The following CCDC180 variants were observed in gnomAD, a reference collection of about 807,000 sequenced individuals.
CCDC180 encodes the protein coiled-coil domain-containing protein 180.
A neutral mutation model predicts 209.2 loss-of-function variants in CCDC180; 154 were observed. The ratio of observed to expected loss-of-function variants is 0.74; its 90% confidence interval spans 0.65 to 0.84. CCDC180 has a LOEUF of 0.84. Among genes scored for constraint, CCDC180 ranks in the 40% least tolerant of loss-of-function variants. The probability of loss-of-function intolerance (pLI) is 0.00; values close to 1 mark genes in which losing one functional copy is unlikely to be tolerated. For synonymous variants in CCDC180, 778 were observed against 749.1 expected, an observed-to-expected ratio of 1.04 and a Z score of -0.63; for missense variants, 1,874 against 1,997.3, an observed-to-expected ratio of 0.94 and a Z score of 1.18.
At chr9:97,346,405 A>T (rs1425629891) in intron 19 of CCDC180, among the ~76,000 whole-genome samples, 1 of 152,232 alleles carries the variant, frequency 6.6e-6, no homozygotes, top group Non-Finnish European at 1.5e-5. Flanking sequence ...ACATCTTAAC[A>T]GTACATGGCC....
chr9:97,317,108 A>G lies in CCDC180; in HGVS notation c.839A>G (p.Gln280Arg). The G allele has an allele frequency of 1.2e-6, 2 of 1,613,506 alleles. No individual in the cohort carries two copies. The highest frequency in any genetic ancestry group is 1.7e-6 in the Non-Finnish European group (2 of 1,179,876). The change falls in exon 9 of 37, where the codon CAG (glutamine) becomes CGG (arginine). Residue 280 changes from glutamine to arginine, a missense_variant. Transcript: ENST00000529487. ...ALLGNRKALA[Q>R]LFVNLMESTL... Reference sequence around the variant, plus strand: ...CTGGGCAACCGGAAGGCTCTCGCCCAGCTGTTTGTCAACCTGATGGAGTCC... The same window carrying G: ...CTGGGCAACCGGAAGGCTCTCGCCCGGCTGTTTGTCAACCTGATGGAGTCC...
rs753839607 is a variant in CCDC180, at chr9:97,325,181, C to G, written c.1534C>G (p.Leu512Val). Residue 512 changes from leucine (L) to valine (V), a missense_variant, in exon 14 of 37, where the codon CTG becomes GTG. Transcript: ENST00000529487. ...GGAGCAGCACCGGCAGAAGCACAGC[C>G]TGGAGAGCCAGGTGAGACCCACACC... is the stretch of plus-strand genomic sequence containing the variant. Reference protein sequence around the residue: ...RMEQHRQKHSLESQVQEAHLD... With the variant: ...RMEQHRQKHSVESQVQEAHLD... The G allele has an allele frequency of 2.5e-6, 4 of 1,597,270 alleles. No homozygotes were observed. In the African/African-American group the frequency reaches 4.0e-5, roughly 16 times the overall value.
intron 22 of CCDC180, among the ~76,000 whole-genome samples, chr9:97,352,098 G>A (rs1350260373): frequency 1.3e-5 from 2 of 150,828 alleles, no homozygotes; most frequent in Non-Finnish European, 2.9e-5. Context: ...GGGAGACAGA[G>A]TGAGATTCCA....
intron 20 of CCDC180, among the ~76,000 whole-genome samples, chr9:97,348,591 G>A (rs367710068): frequency 3.3e-5 from 5 of 152,062 alleles, no homozygotes; most frequent in Admixed American, 3.3e-4. Context: ...GGAGGTGGTC[G>A]GGGTCGGGGG....
In CCDC180 at chr9:97,343,509, A is replaced by G; in HGVS notation, c.2444A>G (p.Lys815Arg). The change falls in exon 19 of 37, where the codon AAG (lysine) becomes AGG (arginine). Residue 815 changes from lysine (K) to arginine (R), a missense_variant. Physicochemically the swap from Lys to Arg is conservative, Grantham distance 26. Transcript: ENST00000529487. ...TTCATCAACGACACTTCCAGTGCCA[A>G]GTTCATAGAACAAGTGACAATTCCA... ...AMFINDTSSA[K>R]FIEQVTIPSR... 6.2e-7 allele frequency: 1 copy of G among 1,614,176 alleles called. No homozygotes were observed. Among genetic ancestry groups the G allele is most frequent in the Non-Finnish European group, 8.5e-7 (1 of 1,179,996 alleles).
intron 21 of CCDC180, among the ~76,000 whole-genome samples, chr9:97,349,596 C>T (rs897258999): frequency 6.6e-6 from 1 of 152,156 alleles, no homozygotes; most frequent in Non-Finnish European, 1.5e-5. Context: ...TCAGGGAGGG[C>T]TTCCTGCAGG....
Position 97,362,357 on chromosome 9 carries a change from C to T in CCDC180, c.3818C>T (p.Pro1273Leu), listed in dbSNP as rs750946424. Residue 1273 changes from proline to leucine, a missense_variant, in exon 28 of 37, where the codon CCC (proline) becomes CTC (leucine). By Grantham distance (98) the Pro-to-Leu change is moderately conservative. Coordinates refer to ENST00000529487, the MANE Select transcript of CCDC180 (RefSeq NM_020893.6). ...VLCSCPGPSSPKGFKRHRCQP... is the reference protein window; with the variant it reads ...VLCSCPGPSSLKGFKRHRCQP... Reference sequence around the variant, plus strand: ...TGCTCCTGTCCTGGGCCCTCGTCACCCAAAGGCTTCAAGCGACATCGGTGC... The same window carrying T: ...TGCTCCTGTCCTGGGCCCTCGTCACTCAAAGGCTTCAAGCGACATCGGTGC... 3 of 1,614,060 alleles carry T rather than the reference C, an allele frequency of 1.9e-6. No homozygotes were observed. The highest frequency in any genetic ancestry group is 1.7e-4 in the Middle Eastern group (1 of 6,060).
chr9:97,313,462 G>T, intron 5 of CCDC180, 117 bp downstream of exon 5: 5 of 649,994 alleles, frequency 7.7e-6, no homozygotes, highest in Non-Finnish European at 8.1e-6. Context: ...GGCTCACAGA[G>T]CCTTAGACGA....
In CCDC180 at chr9:97,325,077, A is replaced by G; in HGVS notation, c.1430A>G (p.Tyr477Cys). ...TEWQSSHLFKYFQEVVQLWEA... is the reference protein window; with the variant it reads ...TEWQSSHLFKCFQEVVQLWEA... Reference sequence around the variant, plus strand: ...TGGCAGAGTTCACACCTCTTCAAGTATTTCCAGGAGGTGGTACAACTGTGG... The same window carrying G: ...TGGCAGAGTTCACACCTCTTCAAGTGTTTCCAGGAGGTGGTACAACTGTGG... Residue 477 changes from tyrosine (Y) to cysteine (C), a missense_variant, in exon 14 of 37, where the codon TAT becomes TGT. Tyr to Cys is a radical substitution (Grantham distance 194). Transcript: ENST00000529487. 1 of 1,614,030 alleles carries G rather than the reference A, an allele frequency of 6.2e-7. No individual in the cohort carries two copies. The highest frequency in any genetic ancestry group is 8.5e-7 in the Non-Finnish European group (1 of 1,179,974).
chr9:97,327,738 G>A (rs570119258), intron 15 of CCDC180, among the ~76,000 whole-genome samples: 13 of 152,260 alleles, frequency 8.5e-5, no homozygotes, highest in Middle Eastern at 3.4e-3. Flanking sequence ...CGTCAAGTTC[G>A]AGGACAGCAT....
rs570225077 is a variant in CCDC180, at chr9:97,313,549, G to A, written c.459+204G>A. On this transcript the variant is annotated intron_variant, in intron 5 of 36. Transcript: ENST00000529487. ...ACAGGTCCCCATAGTTCTTGGAAAA[G>A]CCCTACAGGTCATGTGCTGTTGTTA... Among the ~76,000 whole-genome samples the A allele has an allele frequency of 4.6e-5, 7 of 152,318 alleles. No homozygotes were observed. In the East Asian group the frequency reaches 7.7e-4, roughly 17 times the overall value.
At chr9:97,360,714 C>T (rs1300539979) in intron 26 of CCDC180, among the ~76,000 whole-genome samples, 1 of 152,170 alleles carries the variant, frequency 6.6e-6, no homozygotes, top group Non-Finnish European at 1.5e-5. Flanking sequence ...ACCTCCTGGT[C>T]TGGGTCGGGG....
chr9:97,361,940 CCCCTGG>C (rs1413265351), intron 27 of CCDC180, 42 bp downstream of exon 27: 1 of 1,598,594 alleles, frequency 6.3e-7, no homozygotes, highest in Non-Finnish European at 8.5e-7. Context: ...GCCACCCCTG[CCCCTGG>C]CCCTGGACCT....
rs1278753059 is a variant in CCDC180, at chr9:97,350,603, T to C, written c.3002+48T>C. The C allele has an allele frequency of 1.1e-5, 17 of 1,523,080 alleles. No individual in the cohort carries two copies. In the East Asian group the frequency reaches 2.2e-4, roughly 20 times the overall value. The allele number at this position is 1,523,080 out of a possible 1,614,324, so 94.3% of individuals were successfully genotyped here. On this transcript the variant is annotated intron_variant, in intron 22 of 36. Transcript: ENST00000529487. The stretch of plus-strand genomic sequence containing the variant: ...TCTTCAGGCCACCTGAGTTTCTCTA[T>C]TGGGATGTGGTCTTGTTTCCCCCTT...
intron 16 of CCDC180, among the ~76,000 whole-genome samples, chr9:97,329,843 C>T (rs1433967659): frequency 2.6e-5 from 4 of 151,946 alleles, no homozygotes; most frequent in African/African-American, 9.7e-5. Context: ...CCGAGGCGGG[C>T]GGATCACGAG....
At chr9:97,375,425 G>A (rs774196748) in intron 35 of CCDC180, 29 bp from the exon 36 acceptor site, 1 of 1,613,882 alleles carries the variant, frequency 6.2e-7, no homozygotes, top group East Asian at 2.2e-5. Context: ...AGACAAGCCT[G>A]TGAGATTTTC....
At chr9:97,334,276 C>T (rs900546983) in intron 18 of CCDC180, among the ~76,000 whole-genome samples, 5 of 152,056 alleles carry the variant, frequency 3.3e-5, no homozygotes, top group African/African-American at 7.2e-5. Context: ...CCTAGGGAGC[C>T]GTTATTAGCA....
intron 18 of CCDC180, among the ~76,000 whole-genome samples, chr9:97,338,111 A>G (rs1825964987): frequency 6.6e-6 from 1 of 152,146 alleles, no homozygotes; most frequent in Non-Finnish European, 1.5e-5. Flanking sequence ...TCAAAAAACC[A>G]GCTCCTGGAT....
At chr9:97,331,909 C>T (rs576293644) in intron 18 of CCDC180, among the ~76,000 whole-genome samples, 8 of 152,232 alleles carry the variant, frequency 5.3e-5, no homozygotes, top group African/African-American at 1.7e-4. Context: ...TTAATTAGGT[C>T]CATTTGTCAA....
Sources: allele counts gnomAD v4.1 joint callset (sites outside exome capture counted in the v4.1 genomes callset), GRCh38; gene constraint gnomAD v4.1.1; transcripts MANE v1.5; gene names NCBI Gene and HGNC (gene_info 2026-07-23, HGNC 2026-07-21).